LUZP2: variants seen among roughly 807,000 people sequenced by gnomAD.
LUZP2 encodes the protein leucine zipper protein 2.
A neutral mutation model predicts 51.6 loss-of-function variants in LUZP2; 52 were observed. The ratio of observed to expected loss-of-function variants is 1.01; its 90% CI spans 0.81 to 1.27. The LOEUF (loss-of-function observed/expected upper bound fraction) is 1.27, where lower values mean the gene tolerates loss of function less well. Ranked by LOEUF, LUZP2 falls within the 50% of genes most tolerant of loss-of-function variation. The probability of loss-of-function intolerance (pLI) is 0.00; values close to 1 mark genes in which losing one functional copy is unlikely to be tolerated. For synonymous variants in LUZP2, 154 were observed against 137.3 expected, an observed-to-expected ratio of 1.12 and a Z score of -0.85; for missense variants, 436 against 395.4, an observed-to-expected ratio of 1.10 and a Z score of -0.87.
chr11:24,660,591 A>G (rs567051206), intron 1 of LUZP2, among the ~76,000 whole-genome samples: 62 of 152,274 alleles, frequency 4.1e-4, no homozygotes, highest in African/African-American at 1.4e-3. Flanking sequence ...GATTAAAGCG[A>G]AGAACCCCTG....
chr11:24,853,469 T>G (rs569312877), intron 5 of LUZP2, among the ~76,000 whole-genome samples: 1 of 152,230 alleles, frequency 6.6e-6, no homozygotes, highest in Non-Finnish European at 1.5e-5. Flanking sequence ...TTCAGCTCCA[T>G]CAGGTTATTT....
At chr11:24,670,371 T>G (rs1174377347) in intron 1 of LUZP2, among the ~76,000 whole-genome samples, 1 of 152,128 alleles carries the variant, frequency 6.6e-6, no homozygotes, top group Non-Finnish European at 1.5e-5. Flanking sequence ...TAGAATGTTG[T>G]CATTCCCATT....
At position 24,997,215 on chromosome 11, in the gene LUZP2, A is replaced by C. The variant is rs1157037773; in HGVS notation, c.765+13922A>C. 5.9e-5 allele frequency among the ~76,000 whole-genome samples: 9 copies of C among 151,668 alleles called. No homozygotes were observed. The East Asian group carries it at 1.8e-3, about 30-fold the overall frequency. ...CCACACTGACTTCCACAATGGTTGA[A>C]CTAGTTGACAGTTCCACCAACAGTG... On this transcript the variant is annotated intron_variant, in intron 9 of 11. Coordinates refer to ENST00000336930, the MANE Select transcript of LUZP2 (RefSeq NM_001009909.4).
In LUZP2 at chr11:24,973,172, G is replaced by A. The variant is rs186511453; in HGVS notation, c.523-3419G>A. 1.1e-3 allele frequency among the ~76,000 whole-genome samples: 172 copies of A among 150,904 alleles called. 1 individual carries two copies. In the East Asian group the frequency reaches 0.013, roughly 11 times the overall value. On this transcript the variant is annotated intron_variant, in intron 7 of 11. Coordinates refer to ENST00000336930, the MANE Select transcript of LUZP2 (RefSeq NM_001009909.4). ...GTTTCTTCCTGGTTCAGTCTTGGGA[G>A]GGTGTTTGTTTCTAGGAACTTATTC... is the stretch of plus-strand genomic sequence containing the variant.
intron 5 of LUZP2, among the ~76,000 whole-genome samples, chr11:24,850,375 T>C (rs1851353399): frequency 1.3e-5 from 2 of 152,218 alleles, no homozygotes; most frequent in Non-Finnish European, 2.9e-5. Flanking sequence ...ATTCATTAAG[T>C]AGGGAATCCA....
chr11:24,939,513 C>T (rs955094876), intron 7 of LUZP2, among the ~76,000 whole-genome samples: 1 of 150,680 alleles, frequency 6.6e-6, no homozygotes, highest in Non-Finnish European at 1.5e-5. Flanking sequence ...AGGCATTGCA[C>T]CAATGTTTGG....
intron 5 of LUZP2, among the ~76,000 whole-genome samples, chr11:24,777,143 A>G (rs1361852182): frequency 6.6e-6 from 1 of 151,722 alleles, no homozygotes; most frequent in Non-Finnish European, 1.5e-5. Flanking sequence ...TACAGGCGCC[A>G]CCACCACGCC....
intron 10 of LUZP2, among the ~76,000 whole-genome samples, chr11:25,071,160 C>G (rs1565309477): frequency 6.6e-6 from 1 of 151,810 alleles, no homozygotes; most frequent in South Asian, 2.1e-4. Context: ...CTATTTGTAT[C>G]TTGATATCAC....
intron 1 of LUZP2, among the ~76,000 whole-genome samples, chr11:24,512,427 G>A (rs535153033): frequency 5.0e-4 from 76 of 152,108 alleles, no homozygotes; most frequent in Non-Finnish European, 8.4e-4. Context: ...TGGGAAAAAA[G>A]CAAATATAAT....
At chr11:24,926,424 TGTGTATATATATAC>T (rs1854261976) in intron 7 of LUZP2, among the ~76,000 whole-genome samples, 1 of 144,396 alleles carries the variant, frequency 6.9e-6, no homozygotes, top group Admixed American at 7.1e-5. Flanking sequence ...TATATATATG[TGTGTATATATATAC>T]GTGTATATAT....
intron 1 of LUZP2, among the ~76,000 whole-genome samples, chr11:24,634,694 T>G (rs557135006): frequency 2.7e-4 from 41 of 152,148 alleles, no homozygotes; most frequent in African/African-American, 9.6e-4. Flanking sequence ...TTGCAGCTGA[T>G]TCTGTTTACT....
In LUZP2 at chr11:24,922,825, CTTTTTTTTTTTCTTTTTTTT is replaced by C. The variant is rs1287408021; in HGVS notation, c.522+8299_522+8318del. Among the ~76,000 whole-genome samples, 27 of 44,624 alleles carry C rather than the reference CTTTTTTTTTTTCTTTTTTTT, an allele frequency of 6.1e-4. 1 individual carries two copies. The highest frequency in any genetic ancestry group is 1.2e-3 in the African/African-American group (26 of 21,930). The allele number at this position is 44,624 out of a possible 152,430, so 29.3% of individuals were successfully genotyped here. On this transcript the variant is annotated intron_variant, in intron 7 of 11. Coordinates refer to ENST00000336930, the MANE Select transcript of LUZP2 (RefSeq NM_001009909.4). ...GGACTACCAAGTGGCACAGTTATAT[CTTTTTTTTTTTCTTTTTTTT>C]TTTTTTTTTTTTTTTTTTTTTTAGA...
chr11:24,903,801 T>C (rs1186685577), intron 5 of LUZP2, among the ~76,000 whole-genome samples: 1 of 152,186 alleles, frequency 6.6e-6, no homozygotes, highest in African/African-American at 2.4e-5. Context: ...GGGGTTGGAC[T>C]CAGATGGTTA....
chr11:24,909,675 C>T (rs934894109), intron 6 of LUZP2, among the ~76,000 whole-genome samples: 4 of 152,032 alleles, frequency 2.6e-5, no homozygotes, highest in African/African-American at 9.7e-5. Flanking sequence ...ATAATGATAA[C>T]CATGTAAAGC....
chr11:25,059,092 CATAA>C (rs1398018277), intron 10 of LUZP2, among the ~76,000 whole-genome samples: 1 of 152,002 alleles, frequency 6.6e-6, no homozygotes, highest in Non-Finnish European at 1.5e-5. Context: ...TTGTATTTGT[CATAA>C]ATAGTTTTTG....
intron 2 of LUZP2, among the ~76,000 whole-genome samples, chr11:24,729,862 A>G (rs12805543): frequency 0.24 from 35,864 of 151,734 alleles, 4,502 homozygotes; most frequent in Middle Eastern, 0.32. Flanking sequence ...TATGTGTTAC[A>G]TGGTTTAATT....
intron 4 of LUZP2, among the ~76,000 whole-genome samples, chr11:24,759,924 C>G (rs183655780): frequency 6.6e-6 from 1 of 152,042 alleles, no homozygotes; most frequent in Admixed American, 6.6e-5. Flanking sequence ...AGAACAAGTG[C>G]CCCTGGTGGT....
At chr11:24,932,568 C>T (rs777289044) in intron 7 of LUZP2, among the ~76,000 whole-genome samples, 2 of 152,080 alleles carry the variant, frequency 1.3e-5, no homozygotes, top group Admixed American at 6.6e-5. Flanking sequence ...TGCAGGCTGC[C>T]AGGGAAGTGG....
intron 9 of LUZP2, among the ~76,000 whole-genome samples, chr11:24,990,732 G>A (rs1020138832): frequency 2.6e-5 from 4 of 151,846 alleles, no homozygotes; most frequent in Non-Finnish European, 2.9e-5. Context: ...AGACTCATTC[G>A]AGTTAGAAAT....
Sources: gnomAD v4.1 joint callset for allele counts (sites outside exome capture counted in the v4.1 genomes callset) on GRCh38, gnomAD v4.1.1 for gene constraint, MANE v1.5 for transcripts, NCBI Gene and HGNC (gene_info 2026-07-23, HGNC 2026-07-21) for gene names.